The following EIF4G3 variants were observed in gnomAD, a reference collection of about 807,000 sequenced individuals.
The protein encoded by EIF4G3 is eukaryotic translation initiation factor 4 gamma 3, also known as eIF-4-gamma 3.
Under a neutral mutation model 186.4 loss-of-function variants are expected in EIF4G3, and 34 were observed. The observed-to-expected ratio is 0.18, with a 90% CI of 0.14 to 0.24. The LOEUF (loss-of-function observed/expected upper bound fraction) is 0.24, where lower values mean the gene tolerates loss of function less well. Ranked by LOEUF, EIF4G3 falls within the 10% of genes least tolerant of loss-of-function variation. The pLI is 1.00. For synonymous variants in EIF4G3, 673 were observed against 679.5 expected, an observed-to-expected ratio of 0.99 and a Z score of 0.15; for missense variants, 1,536 against 1,948.5, an observed-to-expected ratio of 0.79 and a Z score of 3.99.
At chr1:21,063,874 TA>T (rs2095082990) in intron 3 of EIF4G3, among the ~76,000 whole-genome samples, 1 of 124,060 alleles carries the variant, frequency 8.1e-6, no homozygotes, top group Non-Finnish European at 1.8e-5. Context: ...CACACCCAGC[TA>T]ATTTTTTTTT....
rs893351734 is a variant in EIF4G3, at chr1:20,823,123, A to C, written c.4368+1977T>G. Among the ~76,000 whole-genome samples, 3 of 151,978 alleles carry C rather than the reference A, an allele frequency of 2.0e-5. No homozygotes were observed. In the South Asian group the frequency reaches 6.2e-4, roughly 31 times the overall value. On this transcript the variant is annotated intron_variant, in intron 33 of 36. Coordinates refer to ENST00000602326, the MANE Select transcript of EIF4G3 (RefSeq NM_001391906.1). ...CTTTCATCTGTCTTTGGTATTATGCAGTTTCACTAAAATATAATTATCCTG... is the reference window on the plus strand; with the variant it reads ...CTTTCATCTGTCTTTGGTATTATGCCGTTTCACTAAAATATAATTATCCTG...
intron 2 of EIF4G3, among the ~76,000 whole-genome samples, chr1:21,151,551 A>C (rs1462344145): frequency 2.6e-5 from 4 of 151,956 alleles, no homozygotes; most frequent in Non-Finnish European, 5.9e-5. Flanking sequence ...ATGGTTATAT[A>C]GTATTTCAAT....
At chr1:20,812,970 T>C (rs1402501126) in intron 35 of EIF4G3, among the ~76,000 whole-genome samples, 188 bp downstream of exon 35, 1 of 152,212 alleles carries the variant, frequency 6.6e-6, no homozygotes, top group Middle Eastern at 3.2e-3. Flanking sequence ...CTGGGTTCTC[T>C]GTAGGCGGAG....
At chr1:21,064,441 C>T (rs1228661401) in intron 3 of EIF4G3, 2 of 152,172 alleles carry the variant, frequency 1.3e-5, no homozygotes. Context: ...TATTATATGG[C>T]TATTTGAGGG....
Position 21,105,857 on chromosome 1 carries a change from G to A in EIF4G3, c.-271-16644C>T, listed in dbSNP as rs914551785. ...GTAGGAGGACTGGTTGAGGCTAGGA[G>A]TTCGAGGCCAGCCTGGGCAACTTGT... is the stretch of plus-strand genomic sequence containing the variant. On this transcript the variant is annotated intron_variant, in intron 2 of 36. Coordinates refer to ENST00000602326, the MANE Select transcript of EIF4G3 (RefSeq NM_001391906.1). Among the ~76,000 whole-genome samples, 6 of 152,152 alleles carry A rather than the reference G, an allele frequency of 3.9e-5. 1 individual carries two copies. The highest frequency in any genetic ancestry group is 1.4e-4 in the African/African-American group (6 of 41,436).
intron 12 of EIF4G3, among the ~76,000 whole-genome samples, chr1:20,961,945 T>C (rs955430607): frequency 6.6e-6 from 1 of 152,242 alleles, no homozygotes; most frequent in Non-Finnish European, 1.5e-5. Context: ...CAGAATGCTA[T>C]TAATTTATCA....
At chr1:21,141,427 T>C (rs1422427300) in intron 2 of EIF4G3, among the ~76,000 whole-genome samples, 5 of 137,410 alleles carry the variant, frequency 3.6e-5, no homozygotes, top group African/African-American at 1.3e-4. Flanking sequence ...AAAAAAAAAG[T>C]GTGAGAAAGA....
At chr1:20,925,222 T>C (rs945863462) in intron 14 of EIF4G3, among the ~76,000 whole-genome samples, 14 of 152,334 alleles carry the variant, frequency 9.2e-5, no homozygotes, top group African/African-American at 3.4e-4. Context: ...TTGTAAGATA[T>C]ACAGAAAAGC....
At position 20,806,640 on chromosome 1, in the gene EIF4G3, C is replaced by T. The variant is rs1175525635; in HGVS notation, c.*679G>A. On this transcript the variant is annotated 3_prime_UTR_variant, in exon 37 of 37. Transcript: ENST00000602326. Reference sequence around the variant, plus strand: ...TTTCAAGAGTATTAAGAGTACTTTTCTCAGGGTAGCACTTTTTTTTTTTTA... The same window carrying T: ...TTTCAAGAGTATTAAGAGTACTTTTTTCAGGGTAGCACTTTTTTTTTTTTA... 16 of 150,350 alleles carry T rather than the reference C, an allele frequency of 1.1e-4. No homozygotes were observed. Among genetic ancestry groups the T allele is most frequent in the Non-Finnish European group, 2.2e-4 (15 of 67,694 alleles). 9.3% of individuals were successfully genotyped at this position (150,350 alleles called of 1,614,324 possible).
chr1:21,103,958 A>G (rs983309290), intron 2 of EIF4G3, among the ~76,000 whole-genome samples: 4 of 152,188 alleles, frequency 2.6e-5, no homozygotes, highest in Admixed American at 2.6e-4. Flanking sequence ...GAGTCAGACA[A>G]TCTTGGGTTC....
At position 20,941,556 on chromosome 1, in the gene EIF4G3, G is replaced by C. The variant is rs750568117; in HGVS notation, c.1598C>G (p.Ala533Gly). ...CAAAATCTCTTCTGTTTGCCCATCTGCTTCTACCTCTATTTTGTTCTGAAT... is the reference window on the plus strand; with the variant it reads ...CAAAATCTCTTCTGTTTGCCCATCTCCTTCTACCTCTATTTTGTTCTGAAT... Reference protein sequence around the residue: ...KEIQNKIEVEADGQTEEILDS... With the variant: ...KEIQNKIEVEGDGQTEEILDS... The change falls in exon 14 of 37, where the codon GCA becomes GGA. Residue 533 changes from alanine to glycine, a missense_variant. By Grantham distance (60) the Ala-to-Gly change is moderately conservative. This residue lies in a region of EIF4G3 where 560 missense variants were observed against 547.8 expected (regional missense o/e 1.02). Coordinates refer to ENST00000602326, the MANE Select transcript of EIF4G3 (RefSeq NM_001391906.1). 2 of 1,613,844 alleles carry C rather than the reference G, an allele frequency of 1.2e-6. No individual in the cohort carries two copies. Among genetic ancestry groups the C allele is most frequent in the African/African-American group, 1.3e-5 (1 of 75,032 alleles).
chr1:20,974,120 C>T (rs547102370), intron 10 of EIF4G3, among the ~76,000 whole-genome samples: 84 of 152,288 alleles, frequency 5.5e-4, no homozygotes, highest in Non-Finnish European at 1.0e-3. Context: ...CAGTTTTAGA[C>T]AGGTCAAGTT....
At chr1:21,010,800 G>T (rs1166311520) in intron 4 of EIF4G3, among the ~76,000 whole-genome samples, 2 of 152,054 alleles carry the variant, frequency 1.3e-5, no homozygotes, top group Non-Finnish European at 2.9e-5. Flanking sequence ...CAACAAACAA[G>T]ACCACAATAT....
At chr1:21,088,089 C>T (rs556516588) in intron 3 of EIF4G3, among the ~76,000 whole-genome samples, 18 of 151,544 alleles carry the variant, frequency 1.2e-4, no homozygotes, top group African/African-American at 3.6e-4. Context: ...GAGTGAGACC[C>T]GATCTCTTAA....
chr1:21,068,437 AC>A (rs1392257481), intron 3 of EIF4G3, among the ~76,000 whole-genome samples: 8 of 149,898 alleles, frequency 5.3e-5, no homozygotes, highest in Non-Finnish European at 1.2e-4. Flanking sequence ...TTCAAAACAG[AC>A]CTGTATTCAA....
chr1:20,997,122 G>A (rs1461107392), intron 7 of EIF4G3, among the ~76,000 whole-genome samples: 4 of 152,012 alleles, frequency 2.6e-5, no homozygotes, highest in African/African-American at 9.7e-5. Context: ...GGATGTACAT[G>A]ATTTTTAATC....
chr1:20,876,399 T>G (rs1340703135), intron 20 of EIF4G3, among the ~76,000 whole-genome samples: 2 of 144,110 alleles, frequency 1.4e-5, no homozygotes, highest in South Asian at 4.3e-4. Context: ...ATGAGTAAAA[T>G]CTATCTGTAA....
At chr1:20,982,470 G>C in intron 7 of EIF4G3, 62 bp from the exon 8 acceptor site, 1 of 1,377,634 alleles carries the variant, frequency 7.3e-7, no homozygotes, top group East Asian at 2.6e-5. Context: ...AAAGCTTACA[G>C]ATCAGTTGGA....
intron 16 of EIF4G3, among the ~76,000 whole-genome samples, chr1:20,896,435 CAAA>C (rs201025308): frequency 3.7e-5 from 2 of 54,714 alleles, no homozygotes; most frequent in Non-Finnish European, 8.0e-5. Context: ...GATTCTATCT[CAAA>C]AAAAAAAAAA....
Sources: allele counts gnomAD v4.1 joint callset (sites outside exome capture counted in the v4.1 genomes callset), GRCh38; gene constraint gnomAD v4.1.1; regional missense constraint gnomAD v4.1.1; transcripts MANE v1.5; gene names NCBI Gene and HGNC (gene_info 2026-07-23, HGNC 2026-07-21).